DNMT3A: variants seen among roughly 807,000 people sequenced by gnomAD.
DNMT3A encodes the protein DNA methyltransferase 3 alpha, also known as DNA (cytosine-5)-methyltransferase 3A.
In DNMT3A, 267 loss-of-function variants were observed where a neutral mutation model predicts 117.6. The observed-to-expected ratio is 2.27, with a 90% confidence interval of 2.05 to 2.51. DNMT3A has a LOEUF of 2.51. Ranked by LOEUF, DNMT3A falls within the 30% of genes most tolerant of loss-of-function variation. The pLI is 0.00. For synonymous variants in DNMT3A, 432 were observed against 474.8 expected (o/e 0.91, Z 1.17); for missense variants, 1,029 against 1,260.2 (o/e 0.82, Z 2.78).
chr2:25,326,106 A>C (rs563608150), intron 1 of DNMT3A, among the ~76,000 whole-genome samples: 4 of 103,276 alleles, frequency 3.9e-5, no homozygotes, highest in Non-Finnish European at 7.6e-5. Flanking sequence ...AACTTGATAT[A>C]TATGTGTGTG....
At chr2:25,275,139 A>C (rs976787051) in intron 5 of DNMT3A, 52 bp from the exon 6 acceptor site, 1 of 1,501,816 alleles carries the variant, frequency 6.7e-7, no homozygotes, top group Non-Finnish European at 8.9e-7. Flanking sequence ...TGACGGACCC[A>C]CCAAGGAGGC....
intron 20 of DNMT3A, 33 bp downstream of exon 20, chr2:25,239,097 C>T (rs770131563): frequency 6.2e-6 from 10 of 1,606,006 alleles, no homozygotes; most frequent in Non-Finnish European, 8.5e-6. Flanking sequence ...AGTCCCAGCC[C>T]ACAGCCCCCC....
chr2:25,257,760 C>T lies in DNMT3A; in HGVS notation c.640-9508G>A, dbSNP rs905207342. On this transcript the variant is annotated intron_variant, in intron 6 of 22. Transcript: ENST00000321117. This position sits in a 1 kb window ranked among gnomAD's most constrained non-coding sequence, Gnocchi z 4.8. Reference sequence around the variant, plus strand: ...AATACAGATTCTTGGGGTCTACCTACGTAGATCAGCGGGCTTAAGGTGGGG... The same window carrying T: ...AATACAGATTCTTGGGGTCTACCTATGTAGATCAGCGGGCTTAAGGTGGGG... 6.6e-6 allele frequency among the ~76,000 whole-genome samples: 1 copy of T among 152,162 alleles called. No homozygotes were observed. Among genetic ancestry groups the T allele is most frequent in the Non-Finnish European group, 1.5e-5 (1 of 68,034 alleles).
rs2031999776 is a variant in DNMT3A at position 25,282,987 on chromosome 2, C to G, written c.178-276G>C. ...GGTTTGCCAGCCTGGTTGCACTTCT[C>G]AAGGGATCGGCTCCCCCATCCCACC... On this transcript the variant is annotated intron_variant, in intron 3 of 22. Coordinates refer to ENST00000321117, the MANE Select transcript of DNMT3A (RefSeq NM_022552.5). The surrounding 1 kb of genome is among the most constrained non-coding windows in gnomAD (Gnocchi z 5.2). 6.6e-6 allele frequency among the ~76,000 whole-genome samples: 1 copy of G among 152,152 alleles called. No individual in the cohort carries two copies. Among genetic ancestry groups the G allele is most frequent in the Non-Finnish European group, 1.5e-5 (1 of 68,020 alleles).
In DNMT3A at chr2:25,314,696, G is replaced by A. The variant is rs1372850278; in HGVS notation, c.-177-535C>T. 3 of 985,306 alleles carry A rather than the reference G, an allele frequency of 3.0e-6. No individual in the cohort carries two copies. The African/African-American group carries it at 5.2e-5, about 17-fold the overall frequency. 61.0% of individuals were successfully genotyped at this position (985,306 alleles called of 1,614,324 possible). On this transcript the variant is annotated intron_variant, in intron 1 of 22. Transcript: ENST00000321117. Reference sequence around the variant, plus strand: ...GGGCCCAGAGAAAGCTGAGGTCTGAGCTCAGGCTGCAGGCCTGGTTGGCTC... The same window carrying A: ...GGGCCCAGAGAAAGCTGAGGTCTGAACTCAGGCTGCAGGCCTGGTTGGCTC...
rs544902491 is a variant in DNMT3A at position 25,337,949 on chromosome 2, T to TA, written c.-178+3876dup. On this transcript the variant is annotated intron_variant, in intron 1 of 22. Transcript: ENST00000321117. This position sits in a 1 kb window ranked among gnomAD's most constrained non-coding sequence, Gnocchi z 5.0. Reference sequence around the variant, plus strand: ...GACGGGCTCTCTGCTCACATACTAATATTCAAACAAAAGTAGAAGCTATTC... The same window carrying TA: ...GACGGGCTCTCTGCTCACATACTAATAATTCAAACAAAAGTAGAAGCTATTC... Among the ~76,000 whole-genome samples the TA allele has an allele frequency of 3.2e-3, 483 of 152,260 alleles. 2 individuals carry two copies. The highest frequency in any genetic ancestry group is 0.011 in the African/African-American group (474 of 41,534).
At chr2:25,275,235 G>A in intron 5 of DNMT3A, 148 bp from the exon 6 acceptor site, 1 of 1,237,826 alleles carries the variant, frequency 8.1e-7, no homozygotes, top group Non-Finnish European at 1.1e-6. Context: ...GTGGGCTGGA[G>A]GAGCGAGGGG....
chr2:25,285,468 G>T (rs1416953520), intron 3 of DNMT3A, among the ~76,000 whole-genome samples: 3 of 152,254 alleles, frequency 2.0e-5, no homozygotes, highest in African/African-American at 7.2e-5. Context: ...GGCCTGCCAA[G>T]CTCCTTTCCT....
Position 25,306,213 on chromosome 2 carries a change from G to A in DNMT3A, c.73-5970C>T, listed in dbSNP as rs1444376427. On this transcript the variant is annotated intron_variant, in intron 2 of 22. Transcript: ENST00000321117. This position sits in a 1 kb window ranked among gnomAD's most constrained non-coding sequence, Gnocchi z 4.1. Reference sequence around the variant, plus strand: ...CTCACATATGCTTGCACACACACCCGTGCCCAGGCCAACCTGCAGAGGCTG... The same window carrying A: ...CTCACATATGCTTGCACACACACCCATGCCCAGGCCAACCTGCAGAGGCTG... Among the ~76,000 whole-genome samples, 19 of 152,118 alleles carry A rather than the reference G, an allele frequency of 1.2e-4. No homozygotes were observed. Among genetic ancestry groups the A allele is most frequent in the African/African-American group, 4.3e-4 (18 of 41,420 alleles).
At chr2:25,239,101 G>GC (rs1249241216) in intron 20 of DNMT3A, 29 bp downstream of exon 20, 3 of 1,607,454 alleles carry the variant, frequency 1.9e-6, no homozygotes, top group Non-Finnish European at 2.6e-6. Context: ...CCAGCCCACA[G>GC]CCCCCCAGGC....
In DNMT3A at chr2:25,275,551, G is replaced by C; in HGVS notation, c.449-8C>G. On this transcript the variant is annotated splice_polypyrimidine_tract_variant and splice_region_variant and intron_variant, in intron 4 of 22. Coordinates refer to ENST00000321117, the MANE Select transcript of DNMT3A (RefSeq NM_022552.5). ...TCTCCTTCTGTTCTTTGCCTGTGGA[G>C]AGGGAAGAACAAAGGGACCAGTTCG... is the stretch of plus-strand genomic sequence containing the variant. 6.4e-7 allele frequency: 1 copy of C among 1,573,890 alleles called. No homozygotes were observed. The highest frequency in any genetic ancestry group is 8.6e-7 in the Non-Finnish European group (1 of 1,166,674).
chr2:25,247,027 C>T lies in DNMT3A; in HGVS notation c.1122+24G>A, dbSNP rs374022108. The stretch of plus-strand genomic sequence containing the variant: ...CTCCTAGTGCTCTAGGCTCCTCCTC[C>T]GAGCTCCCAGCAGGGACACTCACCT... On this transcript the variant is annotated intron_variant, in intron 9 of 22. Transcript: ENST00000321117. This position sits in a 1 kb window ranked among gnomAD's most constrained non-coding sequence, Gnocchi z 5.6. 2.2e-5 allele frequency: 36 copies of T among 1,607,854 alleles called. No homozygotes were observed. Among genetic ancestry groups the T allele is most frequent in the African/African-American group, 1.3e-4 (10 of 74,656 alleles).
In DNMT3A at chr2:25,235,842, A is replaced by T. The variant is rs762478737; in HGVS notation, c.2479-17T>A. 1 of 1,603,458 alleles carries T rather than the reference A, an allele frequency of 6.2e-7. No individual in the cohort carries two copies. Among genetic ancestry groups the T allele is most frequent in the South Asian group, 1.1e-5 (1 of 90,838 alleles). On this transcript the variant is annotated splice_polypyrimidine_tract_variant and intron_variant, in intron 21 of 22. Transcript: ENST00000321117. ...TTTGCTGAACTAGATGAAGAGGAGA[A>T]AAGAGGAATAAGCACGAATTCATTC...
Position 25,237,991 on chromosome 2 carries a change from G to A in DNMT3A, c.2409-986C>T, listed in dbSNP as rs1188705324. 6.6e-6 allele frequency among the ~76,000 whole-genome samples: 1 copy of A among 152,240 alleles called. No individual in the cohort carries two copies. Among genetic ancestry groups the A allele is most frequent in the Non-Finnish European group, 1.5e-5 (1 of 68,044 alleles). ...GGGCCTGCAGTCAAATCAGGTGCTC[G>A]ACAGATGTCCCCGACTCTTTATGCG... On this transcript the variant is annotated intron_variant, in intron 20 of 22. Coordinates refer to ENST00000321117, the MANE Select transcript of DNMT3A (RefSeq NM_022552.5). The surrounding 1 kb of genome is among the most constrained non-coding windows in gnomAD (Gnocchi z 5.4).
At chr2:25,271,973 C>T (rs2030946102) in intron 6 of DNMT3A, among the ~76,000 whole-genome samples, 1 of 152,034 alleles carries the variant, frequency 6.6e-6, no homozygotes, top group Non-Finnish European at 1.5e-5. Context: ...AGAAAATGTT[C>T]ATGAGTTTTA....
rs531771102 is a variant in DNMT3A at position 25,231,663 on chromosome 2, G to T, written c.*2616C>A. The T allele has an allele frequency of 6.6e-6, 1 of 152,044 alleles. No individual in the cohort carries two copies. Among genetic ancestry groups the T allele is most frequent in the South Asian group, 2.1e-4 (1 of 4,814 alleles). 9.4% of individuals were successfully genotyped at this position (152,044 alleles called of 1,614,324 possible). A position where few individuals can be genotyped will look rare whatever the true frequency, so the allele number is the denominator to read the frequency against. ...ATTTCAGTTGGGGAGAATAGGTAGG[G>T]GGAGTTGAGGGCTGACTTGACTGGT... is the stretch of plus-strand genomic sequence containing the variant. On this transcript the variant is annotated 3_prime_UTR_variant, in exon 23 of 23. Transcript: ENST00000321117.
At chr2:25,329,105 G>C (rs1468916955) in intron 1 of DNMT3A, among the ~76,000 whole-genome samples, 1 of 152,160 alleles carries the variant, frequency 6.6e-6, no homozygotes, top group African/African-American at 2.4e-5. Flanking sequence ...GCTGCTCTCA[G>C]ATTTCCCACA....
At chr2:25,334,207 GCTGTTGCTAAGCAACCAGCC>G (rs1558749680) in intron 1 of DNMT3A, among the ~76,000 whole-genome samples, 1 of 152,212 alleles carries the variant, frequency 6.6e-6, no homozygotes, top group Non-Finnish European at 1.5e-5. Flanking sequence ...GGTGGTAAGT[GCTGTTGCTAAGCAACCAGCC>G]CTGAGCTTCC....
In DNMT3A at chr2:25,230,632, T is replaced by G. The variant is rs1672829888; in HGVS notation, c.*3647A>C. 1 of 152,372 alleles carries G rather than the reference T, an allele frequency of 6.6e-6. No individual in the cohort carries two copies. The highest frequency in any genetic ancestry group is 1.5e-5 in the Non-Finnish European group (1 of 68,226). 9.4% of individuals were successfully genotyped at this position (152,372 alleles called of 1,614,324 possible). A position where few individuals can be genotyped will look rare whatever the true frequency, so the allele number is the denominator to read the frequency against. On this transcript the variant is annotated 3_prime_UTR_variant, in exon 23 of 23. Coordinates refer to ENST00000321117, the MANE Select transcript of DNMT3A (RefSeq NM_022552.5). Reference sequence around the variant, plus strand: ...CCCTTGGAAGGTGACCCAATACCTGTCCCCAGAGGCCCCAGCGTTGAGGTG... The same window carrying G: ...CCCTTGGAAGGTGACCCAATACCTGGCCCCAGAGGCCCCAGCGTTGAGGTG...
Sources: gnomAD v4.1 joint callset for allele counts (sites outside exome capture counted in the v4.1 genomes callset) on GRCh38, gnomAD v4.1.1 for gene constraint, Gnocchi (gnomAD v3.1) non-coding constraint, MANE v1.5 for transcripts, NCBI Gene and HGNC (gene_info 2026-07-23, HGNC 2026-07-21) for gene names.